VRK2: variants seen among roughly 807,000 people sequenced by gnomAD.
The protein encoded by VRK2 is VRK serine/threonine kinase 2, also known as serine/threonine-protein kinase VRK2.
VRK2 carries 60 observed loss-of-function variants against 57.6 expected under a neutral mutation model. That is an observed-to-expected ratio of 1.04 (90% CI 0.85 to 1.29). VRK2 has a LOEUF of 1.29. VRK2 is among the 50% of genes most tolerant of loss of function. VRK2 has a pLI of 0.00. For synonymous variants in VRK2, 231 were observed against 199.2 expected (o/e 1.16, Z -1.35); for missense variants, 705 against 588.1 (o/e 1.20, Z -2.06).
intron 7 of VRK2, among the ~76,000 whole-genome samples, chr2:58,113,667 A>G (rs149623326): frequency 8.7e-4 from 133 of 152,266 alleles, no homozygotes; most frequent in African/African-American, 2.9e-3. Flanking sequence ...CTTCTGAGCC[A>G]GGAGAAGGAA....
chr2:57,993,908 A>G (rs577912514), intron 1 of VRK2, among the ~76,000 whole-genome samples: 3 of 152,340 alleles, frequency 2.0e-5, no homozygotes, highest in South Asian at 2.1e-4. Flanking sequence ...GTAAATTTCA[A>G]AGAGGGGAAA....
downstream of VRK2, chr2:58,159,905 G>A: frequency 2.6e-6 from 4 of 1,552,546 alleles, no homozygotes; most frequent in Non-Finnish European, 3.5e-6. Context: ...GTACAGTTTG[G>A]AAAACACTTC....
chr2:57,965,307 A>C lies in VRK2; in HGVS notation c.-439+57468A>C, dbSNP rs77137412. On this transcript the variant is annotated intron_variant, in intron 1 of 15. Transcript: ENST00000417641. ...CTTTCAAAAAATAGTTTCATGGGAA[A>C]ATAGCTAAATCTGTTATAATAACAC... 2.3e-3 allele frequency among the ~76,000 whole-genome samples: 355 copies of C among 152,354 alleles called. 10 individuals are homozygous for C. The East Asian group carries it at 0.062, about 27-fold the overall frequency.
chr2:58,085,647 A>C (rs2104171020), intron 4 of VRK2, among the ~76,000 whole-genome samples: 1 of 152,110 alleles, frequency 6.6e-6, no homozygotes, highest in East Asian at 1.9e-4. Flanking sequence ...TGACCTCAAT[A>C]TTTAACTTAG....
chr2:58,136,965 A>G (rs1408545614), intron 10 of VRK2, among the ~76,000 whole-genome samples: 2 of 131,142 alleles, frequency 1.5e-5, no homozygotes, highest in African/African-American at 3.0e-5. Flanking sequence ...GTGTATATAT[A>G]TCATATATTA....
chr2:58,015,714 CAAG>C, intron 1 of VRK2, among the ~76,000 whole-genome samples: 1 of 152,106 alleles, frequency 6.6e-6, no homozygotes, highest in East Asian at 1.9e-4. Context: ...TTTCATTTGA[CAAG>C]AATTTTTTTT....
intron 8 of VRK2, among the ~76,000 whole-genome samples, chr2:58,124,786 C>A (rs532468619): frequency 1.3e-5 from 2 of 152,050 alleles, no homozygotes; most frequent in African/African-American, 4.8e-5. Context: ...GCTTGATTTT[C>A]TGAAACGGAA....
chr2:57,926,271 CT>C (rs1558496484), intron 1 of VRK2, among the ~76,000 whole-genome samples: 1 of 151,688 alleles, frequency 6.6e-6, no homozygotes, highest in Non-Finnish European at 1.5e-5. Context: ...AAGTCTAATG[CT>C]TTTTTGTTGA....
chr2:58,014,176 C>T (rs182897241), intron 1 of VRK2, among the ~76,000 whole-genome samples: 1 of 152,132 alleles, frequency 6.6e-6, no homozygotes, highest in East Asian at 1.9e-4. Flanking sequence ...TGCACCAACT[C>T]GGGAATATAT....
At chr2:58,047,540 T>C (rs956350768) in intron 1 of VRK2, 1 of 748,190 alleles carries the variant, frequency 1.3e-6, no homozygotes, top group Non-Finnish European at 1.6e-6. Context: ...AGTGTATTTA[T>C]CTTTTTTATA....
intron 12 of VRK2, among the ~76,000 whole-genome samples, chr2:58,151,166 A>G (rs2104684579): frequency 6.6e-6 from 1 of 151,866 alleles, no homozygotes; most frequent in African/African-American, 2.4e-5. Context: ...ATGACAAAGG[A>G]ATGTTACAAT....
intron 2 of VRK2, among the ~76,000 whole-genome samples, chr2:58,067,407 C>G (rs1668754670): frequency 6.6e-6 from 1 of 152,122 alleles, no homozygotes; most frequent in Non-Finnish European, 1.5e-5. Context: ...CTGACTAATA[C>G]AGTTGTCAAA....
At chr2:58,029,446 G>C (rs1432254412) in intron 2 of VRK2, among the ~76,000 whole-genome samples, 1 of 152,030 alleles carries the variant, frequency 6.6e-6, no homozygotes, top group Non-Finnish European at 1.5e-5. Context: ...GTCAACTCAG[G>C]TAGAAACAAG....
At chr2:57,990,581 A>C (rs1215956477) in intron 1 of VRK2, among the ~76,000 whole-genome samples, 1 of 152,222 alleles carries the variant, frequency 6.6e-6, no homozygotes, top group Non-Finnish European at 1.5e-5. Flanking sequence ...CCTAATATTG[A>C]AGTAAATCTC....
intron 2 of VRK2, among the ~76,000 whole-genome samples, chr2:58,027,875 A>G (rs1268564355): frequency 2.0e-5 from 3 of 152,194 alleles, no homozygotes; most frequent in Admixed American, 6.5e-5. Flanking sequence ...TTCCATGAAT[A>G]TAGCCAAAAT....
intron 6 of VRK2, 57 bp downstream of exon 6, chr2:58,088,503 A>G (rs1166397345): frequency 3.1e-6 from 4 of 1,269,924 alleles, no homozygotes; most frequent in South Asian, 1.2e-5. Flanking sequence ...CTTGCAATAT[A>G]GAAATCTTTT....
intron 8 of VRK2, among the ~76,000 whole-genome samples, chr2:58,123,570 G>A (rs950433106): frequency 3.3e-5 from 5 of 152,108 alleles, no homozygotes; most frequent in African/African-American, 9.7e-5. Flanking sequence ...ATTTGGTAAA[G>A]TTGCATGTGG....
At chr2:57,928,564 C>A (rs1670618068) in intron 1 of VRK2, among the ~76,000 whole-genome samples, 1 of 152,046 alleles carries the variant, frequency 6.6e-6, no homozygotes, top group Non-Finnish European at 1.5e-5. Context: ...TTGGTGAGGT[C>A]AGGTTTTCCT....
chr2:57,975,550 G>A (rs1180292258), intron 1 of VRK2, among the ~76,000 whole-genome samples: 1 of 151,646 alleles, frequency 6.6e-6, no homozygotes, highest in African/African-American at 2.4e-5. Context: ...TGTTACAAGG[G>A]GATATTATAT....
Sources: gnomAD v4.1 joint callset for allele counts (sites outside exome capture counted in the v4.1 genomes callset) on GRCh38, gnomAD v4.1.1 for gene constraint, MANE v1.5 for transcripts, NCBI Gene and HGNC (gene_info 2026-07-23, HGNC 2026-07-21) for gene names.